Variants in ZNF469 observed in about 807,000 individuals in gnomAD.
The protein encoded by ZNF469 is zinc finger protein 469.
Under a neutral mutation model 1.0 loss-of-function variants are expected in ZNF469, and 1 was observed. The observed-to-expected ratio is 1.00, with a 90% CI of 0.35 to 4.73. The LOEUF is 4.73. ZNF469 is among the 30% of genes most tolerant of loss of function. The pLI, the probability that ZNF469 is intolerant of heterozygous loss-of-function variation, is 0.16. For synonymous variants in ZNF469, 2,703 were observed against 2,363.4 expected (o/e 1.14, Z -4.17); for missense variants, 6,100 against 5,356.3 (o/e 1.14, Z -4.33).
chr16:88,193,047 GAT>G, the ZNF469 span, among the ~76,000 whole-genome samples: 1 of 138,358 alleles, frequency 7.2e-6, no homozygotes, highest in South Asian at 2.3e-4. Flanking sequence ...TGGTGGTGGT[GAT>G]GATGGTGATG....
the ZNF469 span, among the ~76,000 whole-genome samples, chr16:88,152,185 G>T: frequency 6.6e-6 from 1 of 152,218 alleles, no homozygotes; most frequent in Non-Finnish European, 1.5e-5. This position sits in a 1 kb window ranked among gnomAD's most constrained non-coding sequence, Gnocchi z 4.2. Flanking sequence ...GCGAAAGGAA[G>T]ATTTCATTTT....
the ZNF469 span, among the ~76,000 whole-genome samples, chr16:88,148,102 G>T: frequency 6.6e-6 from 1 of 152,080 alleles, no homozygotes; most frequent in Non-Finnish European, 1.5e-5. Flanking sequence ...TTCCTTCGTC[G>T]TTGTGTGTAC....
the ZNF469 span, among the ~76,000 whole-genome samples, chr16:88,292,922 G>A: frequency 7.9e-5 from 12 of 152,224 alleles, no homozygotes; most frequent in African/African-American, 2.6e-4. Flanking sequence ...TCTCTGAGGA[G>A]CACGATCCTG....
At chr16:88,411,647 G>A (rs1461984846) in intron 1 of ZNF469, among the ~76,000 whole-genome samples, 1 of 152,114 alleles carries the variant, frequency 6.6e-6, no homozygotes, top group Non-Finnish European at 1.5e-5. Context: ...GCTGGAGACA[G>A]GTGTCAAAAT....
chr16:88,355,143 C>A, the ZNF469 span, among the ~76,000 whole-genome samples: 5,622 of 152,264 alleles, frequency 0.037, 353 homozygotes, highest in African/African-American at 0.13. Flanking sequence ...CAGCTGCAGA[C>A]ACTCAGCTCC....
At chr16:88,221,458 A>G in the ZNF469 span, among the ~76,000 whole-genome samples, 1 of 152,238 alleles carries the variant, frequency 6.6e-6, no homozygotes, top group Non-Finnish European at 1.5e-5. Context: ...TTGTGGGGCC[A>G]GGATACAGGG....
At chr16:88,203,341 C>T in the ZNF469 span, among the ~76,000 whole-genome samples, 1 of 152,154 alleles carries the variant, frequency 6.6e-6, no homozygotes. Flanking sequence ...CCAGGGCCCT[C>T]CCCCACCACC....
intron 1 of ZNF469, among the ~76,000 whole-genome samples, chr16:88,384,253 G>T (rs6500423): frequency 6.6e-6 from 1 of 152,024 alleles, no homozygotes; most frequent in Admixed American, 6.5e-5. Context: ...CGGTAGTGTC[G>T]TGGACAGCCC....
the ZNF469 span, among the ~76,000 whole-genome samples, chr16:88,102,799 C>T: frequency 6.6e-6 from 1 of 152,236 alleles, no homozygotes; most frequent in Non-Finnish European, 1.5e-5. Flanking sequence ...GCGTCCACCG[C>T]AGGGCCCCTG....
the ZNF469 span, among the ~76,000 whole-genome samples, chr16:88,344,861 G>A: frequency 1.9e-4 from 29 of 152,340 alleles, no homozygotes; most frequent in South Asian, 1.9e-3. Flanking sequence ...TCTGGGTCCC[G>A]CGTGTCGAAC....
chr16:88,305,235 C>CA, the ZNF469 span, among the ~76,000 whole-genome samples: 9 of 151,904 alleles, frequency 5.9e-5, no homozygotes, highest in Non-Finnish European at 1.0e-4. Flanking sequence ...CATGCACACA[C>CA]ACGCTCACAG....
At chr16:88,169,536 A>G in the ZNF469 span, among the ~76,000 whole-genome samples, 2 of 152,186 alleles carry the variant, frequency 1.3e-5, no homozygotes, top group Non-Finnish European at 2.9e-5. This position sits in a 1 kb window ranked among gnomAD's most constrained non-coding sequence, Gnocchi z 6.1. Context: ...GTTGCAGCCC[A>G]TCTCCATCCT....
At chr16:88,117,733 C>G in the ZNF469 span, among the ~76,000 whole-genome samples, 1 of 152,218 alleles carries the variant, frequency 6.6e-6, no homozygotes, top group African/African-American at 2.4e-5. Context: ...TTGATGCTGC[C>G]GCACTGTTGC....
Position 88,432,845 on chromosome 16 carries a change from C to A in ZNF469, c.5375C>A (p.Ala1792Asp). 6.5e-7 allele frequency: 1 copy of A among 1,550,366 alleles called. No individual in the cohort carries two copies. The highest frequency in any genetic ancestry group is 1.4e-5 in the African/African-American group (1 of 73,182). ...GACCAGCCCCACCGAGGGGCCCCTG[C>A]TCCAGAAGCTTTTGGCAGCCCTGCT... ...TADQPHRGAP[A>D]PEAFGSPAVH... The change falls in exon 3 of 3, where the codon GCT becomes GAT. Residue 1792 changes from alanine (A) to aspartate (D), a missense_variant. Physicochemically the swap from Ala to Asp is moderately radical, Grantham distance 126. Coordinates refer to ENST00000565624, the MANE Select transcript of ZNF469 (RefSeq NM_001367624.2).
At chr16:88,105,163 G>A in the ZNF469 span, among the ~76,000 whole-genome samples, 1 of 152,196 alleles carries the variant, frequency 6.6e-6, no homozygotes, top group Non-Finnish European at 1.5e-5. Context: ...CAAGGCTGCA[G>A]TGAGAGCTAG....
At chr16:88,420,248 G>A (rs1905418119) in intron 1 of ZNF469, among the ~76,000 whole-genome samples, 1 of 152,238 alleles carries the variant, frequency 6.6e-6, no homozygotes, top group African/African-American at 2.4e-5. Flanking sequence ...GTTTGGGAAG[G>A]CACGGGCCAG....
the ZNF469 span, among the ~76,000 whole-genome samples, chr16:88,108,465 C>A: frequency 1.3e-5 from 2 of 152,190 alleles, no homozygotes; most frequent in South Asian, 4.1e-4. Flanking sequence ...GCCCAGAATT[C>A]AATTGCTCTT....
the ZNF469 span, among the ~76,000 whole-genome samples, chr16:88,293,314 T>TTGGA: frequency 0.3 from 43,929 of 146,632 alleles, 6,727 homozygotes; most frequent in African/African-American, 0.37. Flanking sequence ...GGATGGGTAA[T>TTGGA]TGGATGGATG....
At chr16:88,135,759 T>TCC in the ZNF469 span, among the ~76,000 whole-genome samples, 1 of 127,412 alleles carries the variant, frequency 7.8e-6, no homozygotes, top group South Asian at 2.8e-4. Context: ...TTTTTTTTTT[T>TCC]TTTTTTTTTT....
Sources: gnomAD v4.1 joint callset for allele counts (sites outside exome capture counted in the v4.1 genomes callset) on GRCh38, gnomAD v4.1.1 for gene constraint, Gnocchi (gnomAD v3.1) non-coding constraint, MANE v1.5 for transcripts, NCBI Gene and HGNC (gene_info 2026-07-23, HGNC 2026-07-21) for gene names.